Variants in DGKD observed in about 807,000 individuals in gnomAD.
DGKD encodes diacylglycerol kinase delta, also known as DAG kinase delta.
A neutral mutation model predicts 154.4 loss-of-function variants in DGKD; 68 were observed. The ratio of observed to expected loss-of-function variants is 0.44; its 90% CI spans 0.36 to 0.54. The LOEUF is 0.54. Among genes scored for constraint, DGKD ranks in the 20% least tolerant of loss-of-function variants. The probability of loss-of-function intolerance (pLI) is 0.00; values close to 1 mark genes in which losing one functional copy is unlikely to be tolerated. For synonymous variants in DGKD, 693 were observed against 638.0 expected, an observed-to-expected ratio of 1.09 and a Z score of -1.30; for missense variants, 1,343 against 1,593.6, an observed-to-expected ratio of 0.84 and a Z score of 2.68.
chr2:233,365,430 A>AG (rs570738157), intron 1 of DGKD, among the ~76,000 whole-genome samples: 194 of 151,934 alleles, frequency 1.3e-3, no homozygotes, highest in South Asian at 2.3e-3. Context: ...ATAGAGATGG[A>AG]GGGGGGGTCT....
intron 3 of DGKD, among the ~76,000 whole-genome samples, chr2:233,408,229 A>G (rs1036130229): frequency 6.6e-6 from 1 of 151,922 alleles, no homozygotes; most frequent in Non-Finnish European, 1.5e-5. Flanking sequence ...TTTAGTAGAG[A>G]CAGGGTTTCA....
At chr2:233,365,341 C>T (rs1461888097) in intron 1 of DGKD, among the ~76,000 whole-genome samples, 1 of 152,058 alleles carries the variant, frequency 6.6e-6, no homozygotes, top group Non-Finnish European at 1.5e-5. Flanking sequence ...AGTGATTCTC[C>T]TGCCTCAGCC....
intron 3 of DGKD, among the ~76,000 whole-genome samples, chr2:233,401,338 A>G (rs1268158216): frequency 6.6e-6 from 1 of 152,260 alleles, no homozygotes; most frequent in African/African-American, 2.4e-5. Flanking sequence ...GCAATAAACC[A>G]AATTCATTTA....
intron 1 of DGKD, among the ~76,000 whole-genome samples, chr2:233,374,824 T>C (rs922645632): frequency 5.9e-5 from 9 of 151,530 alleles, no homozygotes; most frequent in Admixed American, 1.3e-4. Flanking sequence ...AAAGTTTTTA[T>C]AGAGATAGAG....
chr2:233,388,481 T>A, intron 2 of DGKD, 114 bp downstream of exon 2: 1 of 1,008,776 alleles, frequency 9.9e-7, no homozygotes, highest in Non-Finnish European at 1.4e-6. Context: ...AGATCTGTTA[T>A]TGCCAGTGAG....
chr2:233,379,945 T>C (rs1702797029), intron 1 of DGKD: 1 of 152,236 alleles, frequency 6.6e-6, no homozygotes, highest in African/African-American at 2.4e-5. Flanking sequence ...CTCACTGCCT[T>C]CAGGCCAGCG....
chr2:233,444,385 C>G lies in DGKD; in HGVS notation c.1195-1238C>G, dbSNP rs1042380179. ...CCGGGGCATTTCTGCCTGTGCACCC[C>G]CCAAGCACGATGCTTCTGGGAAAAG... On this transcript the variant is annotated intron_variant, in intron 10 of 29. Transcript: ENST00000264057. Among the ~76,000 whole-genome samples the G allele has an allele frequency of 7.9e-5, 12 of 152,088 alleles. No individual in the cohort carries two copies. In the East Asian group the frequency reaches 1.6e-3, roughly 20 times the overall value.
intron 1 of DGKD, among the ~76,000 whole-genome samples, chr2:233,383,848 C>T (rs1347323105): frequency 6.6e-6 from 1 of 152,142 alleles, no homozygotes; most frequent in Non-Finnish European, 1.5e-5. Context: ...CAGATATTTA[C>T]TTACGGGAAT....
chr2:233,445,448 T>A lies in DGKD; in HGVS notation c.1195-175T>A, dbSNP rs1290297311. On this transcript the variant is annotated intron_variant, in intron 10 of 29. Coordinates refer to ENST00000264057, the MANE Select transcript of DGKD (RefSeq NM_152879.3). The surrounding 1 kb of genome is among the most constrained non-coding windows in gnomAD (Gnocchi z 5.5). ...GTTTCTGTCTCATTGCCAAGGAAAATGCCATCTGTCCCCTCCAGTGGGCTC... is the reference window on the plus strand; with the variant it reads ...GTTTCTGTCTCATTGCCAAGGAAAAAGCCATCTGTCCCCTCCAGTGGGCTC... 2.6e-5 allele frequency among the ~76,000 whole-genome samples: 4 copies of A among 152,080 alleles called. No individual in the cohort carries two copies. Among genetic ancestry groups the A allele is most frequent in the Admixed American group, 6.5e-5 (1 of 15,276 alleles).
chr2:233,452,699 A>G lies in DGKD; in HGVS notation c.2264+639A>G, dbSNP rs1428568312. Among the ~76,000 whole-genome samples the G allele has an allele frequency of 6.6e-6, 1 of 152,188 alleles. No homozygotes were observed. Among genetic ancestry groups the G allele is most frequent in the Non-Finnish European group, 1.5e-5 (1 of 68,032 alleles). On this transcript the variant is annotated intron_variant, in intron 18 of 29. Coordinates refer to ENST00000264057, the MANE Select transcript of DGKD (RefSeq NM_152879.3). This position sits in a 1 kb window ranked among gnomAD's most constrained non-coding sequence, Gnocchi z 4.0. ...TGTAAGGCAGTGAGGACATGTATAT[A>G]GCAGTTTAATGCAGTCTTCCTAGGT...
rs775208893 is a variant in DGKD at position 233,445,760 on chromosome 2, C to T, written c.1332C>T (p.Asp444=). The change falls in exon 11 of 30, where the codon GAC becomes GAT. Residue 444 remains aspartate, a splice_region_variant and synonymous_variant. Coordinates refer to ENST00000264057, the MANE Select transcript of DGKD (RefSeq NM_152879.3). The surrounding 1 kb of genome is among the most constrained non-coding windows in gnomAD (Gnocchi z 5.5). The stretch of plus-strand genomic sequence containing the variant: ...AGAGAGCCAGCACCAAGATGCTGGA[C>T]AGGTGAGTGGGGATGTGCTCCGGTG... ...KLERASTKML[D]RWSVMAYEAK... 447 of 1,610,784 alleles carry T rather than the reference C, an allele frequency of 2.8e-4. No homozygotes were observed. The highest frequency in any genetic ancestry group is 3.7e-4 in the Non-Finnish European group (434 of 1,178,388).
At position 233,380,135 on chromosome 2, in the gene DGKD, G is replaced by A. The variant is rs202021813; in HGVS notation, c.157-8122G>A. On this transcript the variant is annotated intron_variant, in intron 1 of 29. Transcript: ENST00000264057. ...AAATACAATCAATGATCCTAGGTAG[G>A]CAATTAGAAATGGGGAGTGAAGGAG... Among the ~76,000 whole-genome samples, 690 of 152,262 alleles carry A rather than the reference G, an allele frequency of 4.5e-3. 2 individuals carry two copies. The highest frequency in any genetic ancestry group is 0.016 in the African/African-American group (658 of 41,530).
intron 16 of DGKD, 32 bp from the exon 17 acceptor site, chr2:233,450,890 C>A: frequency 6.3e-7 from 1 of 1,581,446 alleles, no homozygotes; most frequent in Non-Finnish European, 8.7e-7. Flanking sequence ...CTATTCCACA[C>A]AGCTGTAAGG....
chr2:233,413,905 C>G (rs772149922), intron 3 of DGKD, among the ~76,000 whole-genome samples: 5 of 152,188 alleles, frequency 3.3e-5, no homozygotes, highest in African/African-American at 4.8e-5. Flanking sequence ...GTTGGAATTA[C>G]TTCTTTTCAT....
chr2:233,384,164 TC>T (rs1287064301), intron 1 of DGKD, among the ~76,000 whole-genome samples: 1 of 152,188 alleles, frequency 6.6e-6, no homozygotes, highest in African/African-American at 2.4e-5. Context: ...TGATCTGGCT[TC>T]GACCCCATCA....
chr2:233,354,660 C>T lies in DGKD; in HGVS notation c.142C>T (p.Gln48Ter). 1 of 1,047,004 alleles carries T rather than the reference C, an allele frequency of 9.6e-7. No individual in the cohort carries two copies. Among genetic ancestry groups the T allele is most frequent in the Non-Finnish European group, 1.2e-6 (1 of 865,542 alleles). 64.9% of individuals were successfully genotyped at this position (1,047,004 alleles called of 1,614,324 possible). ...KLIRKVSTSG[Q>*]IRQKTIIKEG... is the part of the protein sequence containing the mutation. ...CATCCGCAAGGTGTCCACGTCGGGT[C>T]AGATCCGACAGAAGGTGAGCCCGCG... The change falls in exon 1 of 30, where the codon CAG (glutamine) becomes TAG (stop). Residue 48 changes from glutamine to a stop codon, truncating the protein, a stop_gained. Transcript: ENST00000264057. LOFTEE classifies it high-confidence loss of function. The surrounding 1 kb of genome is among the most constrained non-coding windows in gnomAD (Gnocchi z 4.8).
At position 233,458,742 on chromosome 2, in the gene DGKD, G is replaced by A. The variant is rs566694381; in HGVS notation, c.2694+345G>A. Among the ~76,000 whole-genome samples the A allele has an allele frequency of 1.3e-5, 2 of 151,914 alleles. No homozygotes were observed. Among genetic ancestry groups the A allele is most frequent in the East Asian group, 3.9e-4 (2 of 5,162 alleles). Reference sequence around the variant, plus strand: ...TTCTCCCGCCTCAGCCTTCCGAGTAGCTGGGACTACAAGTGCCCACCACCA... The same window carrying A: ...TTCTCCCGCCTCAGCCTTCCGAGTAACTGGGACTACAAGTGCCCACCACCA... On this transcript the variant is annotated intron_variant, in intron 22 of 29. Coordinates refer to ENST00000264057, the MANE Select transcript of DGKD (RefSeq NM_152879.3). This position sits in a 1 kb window ranked among gnomAD's most constrained non-coding sequence, Gnocchi z 6.6.
chr2:233,428,840 T>G (rs978421111), intron 3 of DGKD, among the ~76,000 whole-genome samples: 3 of 152,122 alleles, frequency 2.0e-5, no homozygotes, highest in Non-Finnish European at 4.4e-5. Context: ...TCAGGCTTCT[T>G]CACAACAGAA....
chr2:233,421,947 A>G (rs1432886386), intron 3 of DGKD, among the ~76,000 whole-genome samples: 1 of 152,188 alleles, frequency 6.6e-6, no homozygotes, highest in Non-Finnish European at 1.5e-5. Context: ...AGGAGAGAGG[A>G]GGTGAAGTTG....
Sources: allele counts gnomAD v4.1 joint callset (sites outside exome capture counted in the v4.1 genomes callset), GRCh38; gene constraint gnomAD v4.1.1; non-coding constraint Gnocchi (gnomAD v3.1); transcripts MANE v1.5; gene names NCBI Gene and HGNC (gene_info 2026-07-23, HGNC 2026-07-21).